The following RBSN variants were observed in gnomAD, a reference collection of about 807,000 sequenced individuals.
RBSN encodes rabenosyn-5.
RBSN carries 34 observed loss-of-function variants against 60.5 expected under a neutral mutation model. That is an observed-to-expected ratio of 0.56 (90% CI 0.43 to 0.75). RBSN has a LOEUF of 0.75. Among genes scored for constraint, RBSN ranks in the 30% least tolerant of loss-of-function variants. The pLI is 0.00. For synonymous variants in RBSN, 322 were observed against 366.9 expected (o/e 0.88, Z 1.40); for missense variants, 845 against 986.8 (o/e 0.86, Z 1.92).
Position 15,082,349 on chromosome 3 carries a change from C to G in RBSN, c.840+18G>C. The G allele has an allele frequency of 6.2e-7, 1 of 1,601,840 alleles. No individual in the cohort carries two copies. The highest frequency in any genetic ancestry group is 8.6e-7 in the Non-Finnish European group (1 of 1,169,526). On this transcript the variant is annotated intron_variant, in intron 9 of 13. Transcript: ENST00000253699. This position sits in a 1 kb window ranked among gnomAD's most constrained non-coding sequence, Gnocchi z 4.2. Reference sequence around the variant, plus strand: ...TCTGCCTAAGAAATTAGACCCAAGACCAGACAGCGCGAATCACCTCGTAGA... The same window carrying G: ...TCTGCCTAAGAAATTAGACCCAAGAGCAGACAGCGCGAATCACCTCGTAGA...
intron 6 of RBSN, 23 bp downstream of exon 6, chr3:15,085,838 T>C (rs1408379328): frequency 1.3e-6 from 2 of 1,579,672 alleles, no homozygotes; most frequent in African/African-American, 1.3e-5. Context: ...TAGAAAAAAA[T>C]GTTTTAAGAC....
At position 15,073,613 on chromosome 3, in the gene RBSN, G is replaced by C. The variant is rs2042969459; in HGVS notation, c.*169C>G. The C allele has an allele frequency of 3.3e-6, 2 of 606,276 alleles. No homozygotes were observed. The highest frequency in any genetic ancestry group is 4.8e-5 in the South Asian group (2 of 41,242). The allele number at this position is 606,276 out of a possible 1,614,324, so 37.6% of individuals were successfully genotyped here. ...GTTTCTATTTTATTATTCAACTGTA[G>C]TGGAAATACCTCAAAGTGCGCAACA... On this transcript the variant is annotated 3_prime_UTR_variant, in exon 14 of 14. Coordinates refer to ENST00000253699, the MANE Select transcript of RBSN (RefSeq NM_022340.4).
chr3:15,084,684 C>G lies in RBSN; in HGVS notation c.598+51G>C, dbSNP rs772434931. The stretch of plus-strand genomic sequence containing the variant: ...ATCCCAGTGGTAATTAGCAAATAAG[C>G]TAGGCCCAAAAGAAGATGAGGGTCC... On this transcript the variant is annotated intron_variant, in intron 8 of 13. Coordinates refer to ENST00000253699, the MANE Select transcript of RBSN (RefSeq NM_022340.4). This position sits in a 1 kb window ranked among gnomAD's most constrained non-coding sequence, Gnocchi z 4.2. 6.6e-7 allele frequency: 1 copy of G among 1,520,230 alleles called. No individual in the cohort carries two copies. The highest frequency in any genetic ancestry group is 8.8e-7 in the Non-Finnish European group (1 of 1,134,840). The allele number at this position is 1,520,230 out of a possible 1,614,324, so 94.2% of individuals were successfully genotyped here.
Position 15,098,111 on chromosome 3 carries a change from CCT to C in RBSN, c.-345+6_-345+7del, listed in dbSNP as rs2043714713. ...AAACCTCACTTCCTCAAAAGAAATG[CCT>C]CTTACTCAGAGCATCAGAATGGACT... On this transcript the variant is annotated splice_donor_region_variant and intron_variant, in intron 2 of 13. Coordinates refer to ENST00000253699, the MANE Select transcript of RBSN (RefSeq NM_022340.4). 6.6e-6 allele frequency: 1 copy of C among 152,416 alleles called. No individual in the cohort carries two copies. Among genetic ancestry groups the C allele is most frequent in the Non-Finnish European group, 1.5e-5 (1 of 68,104 alleles). The allele number at this position is 152,416 out of a possible 1,614,324, so 9.4% of individuals were successfully genotyped here.
At chr3:15,091,488 T>C in intron 4 of RBSN, 1 of 1,286,952 alleles carries the variant, frequency 7.8e-7, no homozygotes, top group African/African-American at 1.5e-5. Flanking sequence ...GAAACAGATA[T>C]AACATCTACA....
chr3:15,085,986 C>G (rs1217175924), intron 5 of RBSN, 25 bp from the exon 6 acceptor site: 1 of 1,549,276 alleles, frequency 6.5e-7, no homozygotes, highest in Non-Finnish European at 8.8e-7. Context: ...GGTAGGGAGA[C>G]AAATGACTTA....
chr3:15,096,540 C>T lies in RBSN; in HGVS notation c.-174G>A, dbSNP rs951935031. 1.3e-5 allele frequency: 2 copies of T among 156,700 alleles called. No individual in the cohort carries two copies. The highest frequency in any genetic ancestry group is 4.8e-5 in the African/African-American group (2 of 41,626). 9.7% of individuals were successfully genotyped at this position (156,700 alleles called of 1,614,324 possible). On this transcript the variant is annotated 5_prime_UTR_variant, in exon 3 of 14. Transcript: ENST00000253699. ...TTGAAATAAGCAAACAATACCTTGG[C>T]AATTCTCTTACATTCATTCCAAATG...
chr3:15,091,382 T>C, intron 4 of RBSN: 3 of 1,171,892 alleles, frequency 2.6e-6, no homozygotes, highest in South Asian at 3.2e-5. Flanking sequence ...TGGACTGGTG[T>C]TCCCCATAGG....
chr3:15,096,185 C>A lies in RBSN; in HGVS notation c.-65G>T. On this transcript the variant is annotated 5_prime_UTR_variant, in exon 4 of 14. Coordinates refer to ENST00000253699, the MANE Select transcript of RBSN (RefSeq NM_022340.4). ...TGCCAAGAGTCAGCTTGATTCCTCC[C>A]AAGGAACCATGGTTCCCGCAGCATT... The A allele has an allele frequency of 6.7e-7, 1 of 1,496,556 alleles. No individual in the cohort carries two copies. The allele number at this position is 1,496,556 out of a possible 1,614,324, so 92.7% of individuals were successfully genotyped here. A position where few individuals can be genotyped will look rare whatever the true frequency, so the allele number is the denominator to read the frequency against.
chr3:15,085,500 G>A (rs998091455), intron 6 of RBSN, among the ~76,000 whole-genome samples: 1 of 152,218 alleles, frequency 6.6e-6, no homozygotes, highest in East Asian at 1.9e-4. Context: ...ATACACCCGT[G>A]AGACCTGGTG....
At chr3:15,080,137 T>C (rs894049474) in intron 10 of RBSN, among the ~76,000 whole-genome samples, 4 of 151,100 alleles carry the variant, frequency 2.6e-5, no homozygotes, top group Non-Finnish European at 4.4e-5. Flanking sequence ...CCCAGCTACT[T>C]GGGAGGCTGA....
intron 5 of RBSN, among the ~76,000 whole-genome samples, chr3:15,087,247 G>C (rs1019777042): frequency 1.3e-5 from 2 of 152,160 alleles, no homozygotes; most frequent in African/African-American, 4.8e-5. Flanking sequence ...AGGTGCGGTG[G>C]CTCATGCCTG....
intron 4 of RBSN, chr3:15,091,502 T>TAACA: frequency 7.8e-7 from 1 of 1,285,692 alleles, no homozygotes; most frequent in East Asian, 5.6e-5. Context: ...ATCTACAACA[T>TAACA]AACACAAACA....
Position 15,076,961 on chromosome 3 carries a change from A to G in RBSN, c.1101+101T>C, listed in dbSNP as rs1262232223. 7.7e-6 allele frequency: 7 copies of G among 913,352 alleles called. No individual in the cohort carries two copies. The Admixed American group carries it at 1.5e-4, about 19-fold the overall frequency. 56.6% of individuals were successfully genotyped at this position (913,352 alleles called of 1,614,324 possible). On this transcript the variant is annotated intron_variant, in intron 12 of 13. Coordinates refer to ENST00000253699, the MANE Select transcript of RBSN (RefSeq NM_022340.4). Reference sequence around the variant, plus strand: ...AATTTCAAAAAATAATAAATGTATAAATAGGAAGTAAACAAGTCATTGGCA... The same window carrying G: ...AATTTCAAAAAATAATAAATGTATAGATAGGAAGTAAACAAGTCATTGGCA...
rs746916009 is a variant in RBSN, at chr3:15,082,342, C to CCCAAGA, written c.840+19_840+24dup. The CCCAAGA allele has an allele frequency of 6.3e-6, 10 of 1,599,276 alleles. No homozygotes were observed. The Admixed American group carries it at 8.4e-5, about 13-fold the overall frequency. On this transcript the variant is annotated intron_variant, in intron 9 of 13. Transcript: ENST00000253699. This position sits in a 1 kb window ranked among gnomAD's most constrained non-coding sequence, Gnocchi z 4.2. ...AGCCAAATCTGCCTAAGAAATTAGA[C>CCCAAGA]CCAAGACCAGACAGCGCGAATCACC...
intron 4 of RBSN, among the ~76,000 whole-genome samples, chr3:15,092,392 GTTTT>G (rs1000205124): frequency 1.3e-4 from 20 of 151,212 alleles, no homozygotes; most frequent in African/African-American, 4.4e-4. Flanking sequence ...ACTAAAGTGG[GTTTT>G]TTTTGTTTGT....
In RBSN at chr3:15,082,422, C is replaced by T. The variant is rs1344865660; in HGVS notation, c.785G>A (p.Arg262Lys). The T allele has an allele frequency of 3.7e-6, 6 of 1,613,994 alleles. No individual in the cohort carries two copies. The change falls in exon 9 of 14, where the codon AGA (arginine) becomes AAA (lysine). Residue 262 changes from arginine to lysine, a missense_variant. Physicochemically the swap from Arg to Lys is conservative, Grantham distance 26. Transcript: ENST00000253699. This position sits in a 1 kb window ranked among gnomAD's most constrained non-coding sequence, Gnocchi z 4.2. ...CTCCTTCTCATCAATCTGCTGCTCT[C>T]TCTTGAGCAGCGTGTCCTTGCAGTG... ...CTHCKDTLLK[R>K]EQQIDEKEHT... is the part of the protein sequence containing the mutation.
In RBSN at chr3:15,077,043, C is replaced by A; in HGVS notation, c.1101+19G>T. 1 of 1,612,396 alleles carries A rather than the reference C, an allele frequency of 6.2e-7. No individual in the cohort carries two copies. Among genetic ancestry groups the A allele is most frequent in the South Asian group, 1.1e-5 (1 of 91,012 alleles). Reference sequence around the variant, plus strand: ...GACAGGCCAAGTGCAACATTTATGCCAACCCAGGATGGCTTTACCTGCACA... The same window carrying A: ...GACAGGCCAAGTGCAACATTTATGCAAACCCAGGATGGCTTTACCTGCACA... On this transcript the variant is annotated intron_variant, in intron 12 of 13. Transcript: ENST00000253699. This position sits in a 1 kb window ranked among gnomAD's most constrained non-coding sequence, Gnocchi z 4.4.
intron 5 of RBSN, among the ~76,000 whole-genome samples, chr3:15,089,456 CAAAAAA>C (rs757156425): frequency 6.4e-5 from 2 of 31,448 alleles, no homozygotes; most frequent in African/African-American, 2.0e-4. Context: ...ACTCCATCTC[CAAAAAA>C]AAAAAAAAAA....
Sources: allele counts gnomAD v4.1 joint callset (sites outside exome capture counted in the v4.1 genomes callset), GRCh38; gene constraint gnomAD v4.1.1; non-coding constraint Gnocchi (gnomAD v3.1); transcripts MANE v1.5; gene names NCBI Gene and HGNC (gene_info 2026-07-23, HGNC 2026-07-21).